The following SIK3 variants were observed in gnomAD, a reference collection of about 807,000 sequenced individuals.
SIK3 encodes the protein serine/threonine-protein kinase SIK3.
In SIK3, 28 loss-of-function variants were observed where a neutral mutation model predicts 144.2. That is an observed-to-expected ratio of 0.19 (90% CI 0.14 to 0.27). The LOEUF (loss-of-function observed/expected upper bound fraction) is 0.27. Among genes scored for constraint, SIK3 ranks in the 10% least tolerant of loss-of-function variants. The pLI is 1.00. For missense variants in SIK3, 1,319 were observed against 1,776.0 expected (o/e 0.74, Z 4.62); for synonymous variants, 686 against 676.3 (o/e 1.01, Z -0.22).
chr11:117,020,246 T>TATATATATATATATATATAC lies in SIK3; in HGVS notation c.274-63183_274-63182insGTATATATATATATATATAT. Among the ~76,000 whole-genome samples the TATATATATATATATATATAC allele has an allele frequency of 1.7e-3, 218 of 127,292 alleles. 7 individuals are homozygous for TATATATATATATATATATAC. Among genetic ancestry groups the TATATATATATATATATATAC allele is most frequent in the African/African-American group, 7.0e-3 (201 of 28,814 alleles). 83.5% of individuals were successfully genotyped at this position (127,292 alleles called of 152,430 possible). A position where few individuals can be genotyped will look rare whatever the true frequency, so the allele number is the denominator to read the frequency against. On this transcript the variant is annotated intron_variant, in intron 1 of 24. Transcript: ENST00000445177. ...GTATGTGTATATGTGCATATATATATACACATACATATATCTCCATGGTTC... is the reference window on the plus strand; with the variant it reads ...GTATGTGTATATGTGCATATATATATATATATATATATATATATACACACATACATATATCTCCATGGTTC...
intron 11 of SIK3, 58 bp from the exon 12 acceptor site, chr11:116,874,114 A>G: frequency 4.5e-6 from 7 of 1,565,790 alleles, no homozygotes; most frequent in Non-Finnish European, 5.3e-6. Flanking sequence ...AAAAGTGCTT[A>G]TATCCCAAAA....
intron 1 of SIK3, among the ~76,000 whole-genome samples, chr11:117,047,604 C>T (rs1953027799): frequency 6.6e-6 from 1 of 152,122 alleles, no homozygotes; most frequent in African/African-American, 2.4e-5. Context: ...TTCTAAAGCA[C>T]CAGACTTGGT....
chr11:116,870,025 C>T (rs1943880937), intron 14 of SIK3: 1 of 1,094,648 alleles, frequency 9.1e-7, no homozygotes, highest in Admixed American at 2.4e-5. Context: ...GGCTTTGTGC[C>T]TTGTGAATAC....
At chr11:117,021,959 A>AAAAC (rs1565565812) in intron 1 of SIK3, among the ~76,000 whole-genome samples, 2 of 141,466 alleles carry the variant, frequency 1.4e-5, no homozygotes, top group African/African-American at 5.4e-5. Flanking sequence ...AAAAAAAAAA[A>AAAAC]AACCTAAAAA....
intron 1 of SIK3, among the ~76,000 whole-genome samples, chr11:117,017,591 G>A (rs1565560789): frequency 6.6e-6 from 1 of 152,132 alleles, no homozygotes; most frequent in Non-Finnish European, 1.5e-5. Context: ...CAAAGTACCT[G>A]TGAGTATGAA....
At position 116,858,023 on chromosome 11, in the gene SIK3, A is replaced by G; in HGVS notation, c.3442T>C (p.Ser1148Pro). The G allele has an allele frequency of 6.2e-7, 1 of 1,613,952 alleles. No individual in the cohort carries two copies. The highest frequency in any genetic ancestry group is 8.5e-7 in the Non-Finnish European group (1 of 1,179,924). ...MHSESMEEDC[S>P]CEGAKDGFQD... ...AAGCCATCCTTGGCCCCCTCACACG[A>G]GCAGTCCTCCTCCATGCTCTCTGAA... The change falls in exon 21 of 25, where the codon TCG (serine) becomes CCG (proline). Residue 1148 changes from serine to proline, a missense_variant. By Grantham distance (74) the Ser-to-Pro change is moderately conservative. Transcript: ENST00000445177. The surrounding 1 kb of genome is among the most constrained non-coding windows in gnomAD (Gnocchi z 5.4).
At chr11:117,022,859 T>C (rs1951834635) in intron 1 of SIK3, among the ~76,000 whole-genome samples, 3 of 150,226 alleles carry the variant, frequency 2.0e-5, no homozygotes, top group Admixed American at 2.0e-4. Context: ...GGTACAAATG[T>C]AAGTAACTAA....
intron 3 of SIK3, among the ~76,000 whole-genome samples, chr11:116,933,020 C>G (rs1947703643): frequency 6.6e-6 from 1 of 152,164 alleles, no homozygotes; most frequent in Non-Finnish European, 1.5e-5. Context: ...ATATTCCTGC[C>G]TAGGCCTTCC....
chr11:117,021,928 C>CAAAAAAAAAAAAAAAAAAAAAAAAA (rs71037444), intron 1 of SIK3, among the ~76,000 whole-genome samples: 8 of 59,006 alleles, frequency 1.4e-4, no homozygotes, highest in Admixed American at 6.7e-4. Flanking sequence ...TCTGTCTCTA[C>CAAAAAAAAAAAAAAAAAAAAAAAAA]AAAAAAAAAA....
At chr11:116,970,733 C>G (rs1949738774) in intron 1 of SIK3, among the ~76,000 whole-genome samples, 1 of 152,126 alleles carries the variant, frequency 6.6e-6, no homozygotes, top group Admixed American at 6.5e-5. Flanking sequence ...TCACTGCAGC[C>G]TCAAACTCCT....
rs1491112809 is a variant in SIK3, at chr11:116,844,628, TAA to T, written c.*1013_*1014del. ...ATATATTATATATATAATATATATATAATATATTATATTATATATTATATATA... is the reference window on the plus strand; with the variant it reads ...ATATATTATATATATAATATATATATTATATTATATTATATATTATATATA... On this transcript the variant is annotated 3_prime_UTR_variant, in exon 25 of 25. Coordinates refer to ENST00000445177, the MANE Select transcript of SIK3 (RefSeq NM_001366686.3). The T allele has an allele frequency of 1.1e-3, 62 of 56,676 alleles. 2 individuals are homozygous for T. The highest frequency in any genetic ancestry group is 3.8e-3 in the African/African-American group (55 of 14,476). The allele number at this position is 56,676 out of a possible 1,614,324, so 3.5% of individuals were successfully genotyped here.
chr11:116,976,470 T>C (rs1949950474), intron 1 of SIK3, among the ~76,000 whole-genome samples: 2 of 152,270 alleles, frequency 1.3e-5, no homozygotes, highest in African/African-American at 4.8e-5. Flanking sequence ...CCAGCACTGT[T>C]TGGTGAAAAG....
intron 1 of SIK3, among the ~76,000 whole-genome samples, chr11:117,089,167 A>G (rs1170718764): frequency 1.3e-5 from 2 of 151,902 alleles, no homozygotes; most frequent in African/African-American, 4.8e-5. Context: ...GCACTTTGGG[A>G]GGCTGAGGCG....
rs982969149 is a variant in SIK3, at chr11:116,846,838, A to T, written c.3953-285T>A. ...ACTGTAGTGTGAGAGAAGATAGAGG[A>T]CTCCTTCAGAAAGGATCACCTCTTA... On this transcript the variant is annotated intron_variant, in intron 23 of 24. Transcript: ENST00000445177. The surrounding 1 kb of genome is among the most constrained non-coding windows in gnomAD (Gnocchi z 4.1). Among the ~76,000 whole-genome samples, 1 of 151,984 alleles carries T rather than the reference A, an allele frequency of 6.6e-6. No individual in the cohort carries two copies. The highest frequency in any genetic ancestry group is 1.5e-5 in the Non-Finnish European group (1 of 67,998).
At chr11:116,870,424 A>G in intron 13 of SIK3, 23 bp from the exon 14 acceptor site, 2 of 1,612,162 alleles carry the variant, frequency 1.2e-6, no homozygotes, top group East Asian at 2.2e-5. Context: ...AGGAAGGAAA[A>G]GCTCAAGGTG....
intron 1 of SIK3, among the ~76,000 whole-genome samples, chr11:117,090,710 C>A (rs964050878): frequency 3.3e-5 from 5 of 152,206 alleles, no homozygotes; most frequent in Admixed American, 3.3e-4. Flanking sequence ...TTTTCATTTT[C>A]TTCATATCTC....
At chr11:116,848,271 C>T (rs540135384) in intron 22 of SIK3, among the ~76,000 whole-genome samples, 4 of 152,194 alleles carry the variant, frequency 2.6e-5, no homozygotes, top group African/African-American at 7.2e-5. Flanking sequence ...GGCGTGAACC[C>T]GGGAGGCGGA....
At position 116,981,663 on chromosome 11, in the gene SIK3, C is replaced by T. The variant is rs116186803; in HGVS notation, c.274-24599G>A. Among the ~76,000 whole-genome samples, 1,158 of 152,242 alleles carry T rather than the reference C, an allele frequency of 7.6e-3. 13 individuals carry two copies. The highest frequency in any genetic ancestry group is 0.027 in the African/African-American group (1,114 of 41,532). ...CAACTCATAGTTGCTTATTTTCTTACGCAAACTCACATTTCTTGCAACTTC... is the reference window on the plus strand; with the variant it reads ...CAACTCATAGTTGCTTATTTTCTTATGCAAACTCACATTTCTTGCAACTTC... On this transcript the variant is annotated intron_variant, in intron 1 of 24. Coordinates refer to ENST00000445177, the MANE Select transcript of SIK3 (RefSeq NM_001366686.3).
rs1368023456 is a variant in SIK3 at position 116,863,779 on chromosome 11, C to T, written c.1992G>A (p.Thr664=). The T allele has an allele frequency of 1.7e-5, 28 of 1,613,778 alleles. No homozygotes were observed. In the Admixed American group the frequency reaches 4.2e-4, roughly 24 times the overall value. The change falls in exon 16 of 25, where the codon ACG becomes ACA. Residue 664 remains threonine, a synonymous_variant. Transcript: ENST00000445177. The part of the protein sequence containing the change: ...YKDSNTLHLP[T]ERFSPVRRFS... ...ACCGGCGCACAGGGGAGAAACGCTC[C>T]GTAGGGAGGTGCAGAGTGTTGGAGT...
Sources: allele counts gnomAD v4.1 joint callset (sites outside exome capture counted in the v4.1 genomes callset), GRCh38; gene constraint gnomAD v4.1.1; non-coding constraint Gnocchi (gnomAD v3.1); transcripts MANE v1.5; gene names NCBI Gene and HGNC (gene_info 2026-07-23, HGNC 2026-07-21).